ASXL3: variants seen among roughly 807,000 people sequenced by gnomAD.
ASXL3 encodes the protein ASXL transcriptional regulator 3.
A neutral mutation model predicts 170.6 loss-of-function variants in ASXL3; 34 were observed. That is an observed-to-expected ratio of 0.20 (90% CI 0.15 to 0.27). The LOEUF (loss-of-function observed/expected upper bound fraction) is 0.27. ASXL3 is among the 10% of genes least tolerant of loss of function. ASXL3 has a pLI of 1.00. For missense variants in ASXL3, 2,592 were observed against 2,695.3 expected, an observed-to-expected ratio of 0.96 and a Z score of 0.85; for synonymous variants, 1,002 against 989.1, an observed-to-expected ratio of 1.01 and a Z score of -0.24.
Position 33,671,736 on chromosome 18 carries a change from T to C in ASXL3, c.596-11T>C. 1 of 1,591,962 alleles carries C rather than the reference T, an allele frequency of 6.3e-7. No homozygotes were observed. Among genetic ancestry groups the C allele is most frequent in the Non-Finnish European group, 8.6e-7 (1 of 1,168,638 alleles). On this transcript the variant is annotated splice_polypyrimidine_tract_variant and intron_variant, in intron 6 of 11. Coordinates refer to ENST00000269197, the MANE Select transcript of ASXL3 (RefSeq NM_030632.3). ...AGAAGATAATGACATAATAACTATT[T>C]CCTTTTTTAGGATCTGAATCTAAAA...
At position 33,744,446 on chromosome 18, in the gene ASXL3, T is replaced by C. The variant is rs1308558699; in HGVS notation, c.4598T>C (p.Ile1533Thr). 4 of 1,613,548 alleles carry C rather than the reference T, an allele frequency of 2.5e-6. No homozygotes were observed. The highest frequency in any genetic ancestry group is 3.4e-6 in the Non-Finnish European group (4 of 1,179,816). The stretch of plus-strand genomic sequence containing the variant: ...CCTGAGCCAGTTGCCAACGAAGGTA[T>C]AGATCACAGTTCCACTTTCATTGCT... Reference protein sequence around the residue: ...SRPEPVANEGIDHSSTFIAAS... With the variant: ...SRPEPVANEGTDHSSTFIAAS... The change falls in exon 12 of 12, where the codon ATA (isoleucine) becomes ACA (threonine). Residue 1533 changes from isoleucine to threonine, a missense_variant. Coordinates refer to ENST00000269197, the MANE Select transcript of ASXL3 (RefSeq NM_030632.3).
At chr18:33,650,321 G>A (rs1487659006) in intron 4 of ASXL3, among the ~76,000 whole-genome samples, 1 of 152,056 alleles carries the variant, frequency 6.6e-6, no homozygotes, top group Non-Finnish European at 1.5e-5. Context: ...GAACCAGGGA[G>A]GGAGAATGGT....
At chr18:33,727,632 A>T (rs1322398731) in intron 8 of ASXL3, among the ~76,000 whole-genome samples, 2 of 152,206 alleles carry the variant, frequency 1.3e-5, no homozygotes, top group African/African-American at 4.8e-5. Context: ...ATAGTTAGAT[A>T]CTTCATTATA....
intron 1 of ASXL3, among the ~76,000 whole-genome samples, chr18:33,597,735 C>T (rs977555910): frequency 6.6e-6 from 1 of 151,138 alleles, no homozygotes; most frequent in Non-Finnish European, 1.5e-5. Flanking sequence ...CTGGGAATAA[C>T]CTGGTATAAG....
intron 7 of ASXL3, among the ~76,000 whole-genome samples, chr18:33,675,818 A>G (rs1166716236): frequency 6.6e-6 from 1 of 152,104 alleles, no homozygotes; most frequent in East Asian, 1.9e-4. Flanking sequence ...AGACCCTTTC[A>G]TGCTCAGCTT....
At chr18:33,731,030 C>G (rs2067433111) in intron 8 of ASXL3, among the ~76,000 whole-genome samples, 1 of 152,066 alleles carries the variant, frequency 6.6e-6, no homozygotes, top group Non-Finnish European at 1.5e-5. Flanking sequence ...TCTTTGCTGG[C>G]TTTGATTAGA....
At chr18:33,621,524 A>G (rs1199963532) in intron 2 of ASXL3, among the ~76,000 whole-genome samples, 2 of 152,290 alleles carry the variant, frequency 1.3e-5, no homozygotes, top group East Asian at 3.9e-4. Context: ...AGATTGTACT[A>G]TAATTTGTAC....
At chr18:33,670,549 C>T in intron 5 of ASXL3, 124 bp from the exon 6 acceptor site, 1 of 596,016 alleles carries the variant, frequency 1.7e-6, no homozygotes, top group Non-Finnish European at 2.7e-6. Context: ...AAATTAGGGG[C>T]TCTGTGGAAT....
At position 33,744,172 on chromosome 18, in the gene ASXL3, G is replaced by A; in HGVS notation, c.4324G>A (p.Gly1442Arg). ...TGCTGAAAGCTTGGACAAAAATTCAGGGCCTCGAAACAGGGCAGATAATTC... is the reference window on the plus strand; with the variant it reads ...TGCTGAAAGCTTGGACAAAAATTCAAGGCCTCGAAACAGGGCAGATAATTC... The part of the protein sequence containing the change: ...LSAESLDKNS[G>R]PRNRADNSGK... Residue 1442 changes from glycine (G) to arginine (R), a missense_variant, in exon 12 of 12, where the codon GGG (glycine) becomes AGG (arginine). Transcript: ENST00000269197. The A allele has an allele frequency of 6.2e-7, 1 of 1,613,976 alleles. No homozygotes were observed. Among genetic ancestry groups the A allele is most frequent in the Non-Finnish European group, 8.5e-7 (1 of 1,179,896 alleles).
chr18:33,698,748 C>T (rs934382678), intron 8 of ASXL3, among the ~76,000 whole-genome samples: 2 of 152,006 alleles, frequency 1.3e-5, no homozygotes, highest in Non-Finnish European at 2.9e-5. Flanking sequence ...GAATACACTT[C>T]CAATGATATT....
intron 5 of ASXL3, among the ~76,000 whole-genome samples, chr18:33,667,798 A>C (rs2066282128): frequency 6.6e-6 from 1 of 152,184 alleles, no homozygotes; most frequent in African/African-American, 2.4e-5. Context: ...TTTCCTTGTC[A>C]ATCCTTCACT....
intron 1 of ASXL3, 99 bp downstream of exon 1, chr18:33,578,784 G>A (rs1445909978): frequency 9.5e-6 from 7 of 734,498 alleles, no homozygotes; most frequent in Non-Finnish European, 1.2e-5. Context: ...TCCAGCCCGA[G>A]CCGCCGCCCG....
chr18:33,742,828 G>T, intron 11 of ASXL3, 60 bp from the exon 12 acceptor site: 1 of 1,506,904 alleles, frequency 6.6e-7, no homozygotes, highest in South Asian at 1.4e-5. Flanking sequence ...CACATTCTAC[G>T]TGCCTCCTCT....
intron 8 of ASXL3, chr18:33,690,165 A>C (rs1286357709): frequency 6.6e-6 from 1 of 152,118 alleles, no homozygotes; most frequent in African/African-American, 2.4e-5. Flanking sequence ...GCTCAACCTC[A>C]GTCATTCTTT....
intron 10 of ASXL3, among the ~76,000 whole-genome samples, chr18:33,738,163 G>A (rs1175300917): frequency 6.7e-6 from 1 of 149,880 alleles, no homozygotes; most frequent in Admixed American, 6.6e-5. Context: ...AATTAAGCAT[G>A]TTAGTGATTA....
chr18:33,607,182 T>C (rs2065263015), intron 1 of ASXL3, among the ~76,000 whole-genome samples: 1 of 151,988 alleles, frequency 6.6e-6, no homozygotes, highest in Non-Finnish European at 1.5e-5. Context: ...CAGCACTCCG[T>C]TCTCTTCTAT....
chr18:33,600,505 T>TTAAGAGAAGTTTTACTTTG (rs2065173544), intron 1 of ASXL3, among the ~76,000 whole-genome samples: 1 of 151,234 alleles, frequency 6.6e-6, no homozygotes, highest in Non-Finnish European at 1.5e-5. Flanking sequence ...CTGTTTTTTG[T>TTAAGAGAAGTTTTACTTTG]TAAGAGAAGT....
At chr18:33,686,331 C>G (rs7227148) in intron 8 of ASXL3, among the ~76,000 whole-genome samples, 9,996 of 152,232 alleles carry the variant, frequency 0.066, 401 homozygotes, top group South Asian at 0.19. Context: ...TCTGTGCTCA[C>G]TACTAGAAAA....
Position 33,746,572 on chromosome 18 carries a change from G to A in ASXL3, c.6724G>A (p.Val2242Ile). The stretch of plus-strand genomic sequence containing the variant: ...CTGCATAGGTCCTTCAAAACTTTGT[G>A]TAGCATGCCTGGTTGTACGATAAGA... ...DDCIGPSKLC[V>I]ACLVVR Residue 2242 changes from valine to isoleucine, a missense_variant, in exon 12 of 12, where the codon GTA becomes ATA. Coordinates refer to ENST00000269197, the MANE Select transcript of ASXL3 (RefSeq NM_030632.3). 1 of 1,592,710 alleles carries A rather than the reference G, an allele frequency of 6.3e-7. No homozygotes were observed. Among genetic ancestry groups the A allele is most frequent in the Admixed American group, 1.7e-5 (1 of 59,546 alleles).
Sources: gnomAD v4.1 joint callset for allele counts (sites outside exome capture counted in the v4.1 genomes callset) on GRCh38, gnomAD v4.1.1 for gene constraint, MANE v1.5 for transcripts, NCBI Gene and HGNC (gene_info 2026-07-23, HGNC 2026-07-21) for gene names.